CRPPA: variants seen among roughly 807,000 people sequenced by gnomAD.
CRPPA encodes CDP-L-ribitol pyrophosphorylase A.
Under a neutral mutation model 52.0 loss-of-function variants are expected in CRPPA, and 43 were observed. The observed-to-expected ratio is 0.83, with a 90% CI of 0.65 to 1.07. CRPPA has a LOEUF of 1.07. Among genes scored for constraint, CRPPA ranks in the 50% least tolerant of loss-of-function variants. The pLI is 0.00. For missense variants in CRPPA, 629 were observed against 551.7 expected (o/e 1.14, Z -1.40); for synonymous variants, 250 against 203.5 (o/e 1.23, Z -1.94).
chr7:16,144,974 A>T (rs1449939092), intron 9 of CRPPA, among the ~76,000 whole-genome samples: 1 of 152,168 alleles, frequency 6.6e-6, no homozygotes, highest in Non-Finnish European at 1.5e-5. Flanking sequence ...CTCAGATCCA[A>T]CTTTAACCTC....
intron 9 of CRPPA, among the ~76,000 whole-genome samples, chr7:16,158,863 T>G (rs1438284680): frequency 1.3e-5 from 2 of 152,204 alleles, no homozygotes; most frequent in Non-Finnish European, 2.9e-5. Flanking sequence ...CTGGCACAAG[T>G]GTGGTCATGT....
At chr7:16,361,747 T>C (rs1786450464) in intron 3 of CRPPA, among the ~76,000 whole-genome samples, 1 of 152,212 alleles carries the variant, frequency 6.6e-6, no homozygotes, top group Non-Finnish European at 1.5e-5. Context: ...AGATAAATTC[T>C]GAAGATGATG....
At chr7:16,247,306 C>T (rs761217250) in intron 8 of CRPPA, among the ~76,000 whole-genome samples, 2 of 152,184 alleles carry the variant, frequency 1.3e-5, no homozygotes, top group Non-Finnish European at 2.9e-5. Context: ...AAGTGACTGA[C>T]ACAGGACTCT....
chr7:16,383,442 G>T (rs988176761), intron 2 of CRPPA, among the ~76,000 whole-genome samples: 7 of 152,124 alleles, frequency 4.6e-5, no homozygotes, highest in African/African-American at 1.7e-4. Flanking sequence ...GGGGGTCAGG[G>T]GTCAGGGACC....
intron 3 of CRPPA, among the ~76,000 whole-genome samples, chr7:16,338,397 C>CTA (rs1014372194): frequency 6.6e-6 from 1 of 152,062 alleles, no homozygotes; most frequent in African/African-American, 2.4e-5. Context: ...ACAATAAAGG[C>CTA]TATATATTAC....
In CRPPA at chr7:16,153,383, T is replaced by C. The variant is rs112977742; in HGVS notation, c.1252-61584A>G. ...TTTTTCACATTTCTAAAAGTTTTTT[T>C]AAAAAAAGAAATAAGAATATATGAT... On this transcript the variant is annotated intron_variant, in intron 9 of 9. Transcript: ENST00000407010. 2.0e-5 allele frequency among the ~76,000 whole-genome samples: 3 copies of C among 151,976 alleles called. No homozygotes were observed. In the East Asian group the frequency reaches 5.8e-4, roughly 29 times the overall value.
intron 3 of CRPPA, among the ~76,000 whole-genome samples, chr7:16,361,978 C>T (rs1438906388): frequency 6.6e-6 from 1 of 152,104 alleles, no homozygotes; most frequent in African/African-American, 2.4e-5. Context: ...CCTCAGCCTC[C>T]CGAGTAGCTG....
chr7:16,356,888 T>G lies in CRPPA; in HGVS notation c.684+19204A>C, dbSNP rs373597073. Among the ~76,000 whole-genome samples, 10 of 152,202 alleles carry G rather than the reference T, an allele frequency of 6.6e-5. 1 individual carries two copies. The East Asian group carries it at 1.3e-3, about 21-fold the overall frequency. On this transcript the variant is annotated intron_variant, in intron 3 of 9. Coordinates refer to ENST00000407010, the MANE Select transcript of CRPPA (RefSeq NM_001101426.4). The stretch of plus-strand genomic sequence containing the variant: ...TTTACATTTAGAGATTCTGTTAACT[T>G]TCTCTGAAGGATGTTGAGTGTGTCC...
rs968796106 is a variant in CRPPA, at chr7:16,216,817, G to C, written c.1120-620C>G. On this transcript the variant is annotated intron_variant, in intron 8 of 9. Transcript: ENST00000407010. ...GCCCACGGAGTCTCACTGATTGCTA[G>C]CACAGCAGTCTGAGATCAAACTGCA... Among the ~76,000 whole-genome samples the C allele has an allele frequency of 4.6e-5, 7 of 152,198 alleles. No individual in the cohort carries two copies. In the East Asian group the frequency reaches 1.4e-3, roughly 29 times the overall value.
chr7:16,168,042 G>A (rs1781103345), intron 9 of CRPPA, among the ~76,000 whole-genome samples: 1 of 152,008 alleles, frequency 6.6e-6, no homozygotes, highest in Non-Finnish European at 1.5e-5. Context: ...CCTAAATCCT[G>A]TTAAGTGACT....
At chr7:16,210,785 T>A (rs1782113046) in intron 9 of CRPPA, among the ~76,000 whole-genome samples, 2 of 151,938 alleles carry the variant, frequency 1.3e-5, no homozygotes, top group South Asian at 4.2e-4. Context: ...GGCAGTACCC[T>A]CCTTAAGTTA....
At chr7:16,170,631 T>C (rs565412476) in intron 9 of CRPPA, among the ~76,000 whole-genome samples, 33 of 152,324 alleles carry the variant, frequency 2.2e-4, no homozygotes, top group African/African-American at 7.9e-4. Context: ...GGCAGCTTGC[T>C]TTTATTACCT....
chr7:16,384,290 T>A (rs1787197597), intron 2 of CRPPA, among the ~76,000 whole-genome samples: 1 of 152,166 alleles, frequency 6.6e-6, no homozygotes, highest in Non-Finnish European at 1.5e-5. Flanking sequence ...AACCTAAGTG[T>A]ACTCTCAAAA....
intron 2 of CRPPA, among the ~76,000 whole-genome samples, chr7:16,389,443 C>A (rs748258498): frequency 2.6e-5 from 4 of 150,960 alleles, no homozygotes; most frequent in Non-Finnish European, 5.9e-5. Context: ...AATACCAGAT[C>A]GGTTCAACAT....
intron 3 of CRPPA, among the ~76,000 whole-genome samples, chr7:16,365,130 T>G (rs75202935): frequency 0.039 from 5,864 of 152,180 alleles, 370 homozygotes; most frequent in African/African-American, 0.13. Flanking sequence ...GAGTCTCTGA[T>G]TTCTACCTAT....
intron 9 of CRPPA, among the ~76,000 whole-genome samples, chr7:16,213,445 T>C (rs1194242071): frequency 6.6e-6 from 1 of 152,154 alleles, no homozygotes; most frequent in Non-Finnish European, 1.5e-5. Flanking sequence ...TTTACAAATT[T>C]TTTTTTAAAA....
chr7:16,375,113 G>T (rs1039321224), intron 3 of CRPPA, among the ~76,000 whole-genome samples: 2 of 152,122 alleles, frequency 1.3e-5, no homozygotes, highest in Non-Finnish European at 1.5e-5. Context: ...ACCTAAAACT[G>T]CACACCTCCT....
At chr7:16,118,715 C>A (rs1200139677) in intron 9 of CRPPA, among the ~76,000 whole-genome samples, 1 of 152,152 alleles carries the variant, frequency 6.6e-6, no homozygotes, top group Non-Finnish European at 1.5e-5. Context: ...TGACTGGAAA[C>A]AAAGTTTCCC....
At chr7:16,316,783 G>T (rs1227205761) in intron 3 of CRPPA, among the ~76,000 whole-genome samples, 1 of 152,046 alleles carries the variant, frequency 6.6e-6, no homozygotes, top group Non-Finnish European at 1.5e-5. Flanking sequence ...CTTGAGCCCG[G>T]GAGTTCGAGG....
Sources: allele counts gnomAD v4.1 joint callset (sites outside exome capture counted in the v4.1 genomes callset), GRCh38; gene constraint gnomAD v4.1.1; transcripts MANE v1.5; gene names NCBI Gene and HGNC (gene_info 2026-07-23, HGNC 2026-07-21).